Variants in RERE observed in about 807,000 individuals in gnomAD.
RERE encodes the protein arginine-glutamic acid dipeptide repeats.
RERE carries 40 observed loss-of-function variants against 146.1 expected under a neutral mutation model. The ratio of observed to expected loss-of-function variants is 0.27; its 90% CI spans 0.21 to 0.36. The LOEUF (loss-of-function observed/expected upper bound fraction) is 0.36, where lower values mean the gene tolerates loss of function less well. Ranked by LOEUF, RERE falls within the 10% of genes least tolerant of loss-of-function variation. The probability of loss-of-function intolerance (pLI) is 1.00; values close to 1 mark genes in which losing one functional copy is unlikely to be tolerated. For synonymous variants in RERE, 1,003 were observed against 866.0 expected (o/e 1.16, Z -2.78); for missense variants, 1,933 against 2,138.7 (o/e 0.90, Z 1.90).
At chr1:8,759,231 A>G (rs939398998) in intron 1 of RERE, among the ~76,000 whole-genome samples, 21 of 152,368 alleles carry the variant, frequency 1.4e-4, no homozygotes, top group African/African-American at 4.6e-4. Flanking sequence ...ACTGTCAACT[A>G]TTACCTCTTC....
At chr1:8,525,657 C>T in intron 7 of RERE, 1 of 1,260,436 alleles carries the variant, frequency 7.9e-7, no homozygotes, top group South Asian at 1.6e-5. Context: ...CTCTCAGGAA[C>T]ATGCACTATG....
At chr1:8,407,023 A>G (rs1274535564) in intron 12 of RERE, among the ~76,000 whole-genome samples, 1 of 152,224 alleles carries the variant, frequency 6.6e-6, no homozygotes, top group East Asian at 1.9e-4. Context: ...AGAACTGTTA[A>G]ATCAGTGGAA....
chr1:8,576,427 G>A (rs976222736), intron 4 of RERE, among the ~76,000 whole-genome samples: 9 of 152,142 alleles, frequency 5.9e-5, no homozygotes, highest in Non-Finnish European at 1.3e-4. Flanking sequence ...ATAAAAGCAT[G>A]TTAATGCCAG....
chr1:8,455,830 C>T, intron 11 of RERE, among the ~76,000 whole-genome samples: 1 of 152,278 alleles, frequency 6.6e-6, no homozygotes, highest in African/African-American at 2.4e-5. Flanking sequence ...CTTGTCAAAC[C>T]AACCTGGTGC....
intron 1 of RERE, among the ~76,000 whole-genome samples, chr1:8,726,147 C>CTTTTTTTTTTTTTTT (rs70985511): frequency 3.2e-4 from 22 of 69,410 alleles, no homozygotes; most frequent in South Asian, 6.2e-4. Context: ...TTTTTCTTTT[C>CTTTTTTTTTTTTTTT]TTTTTTTTTT....
intron 10 of RERE, among the ~76,000 whole-genome samples, chr1:8,471,661 C>T (rs1233286396): frequency 1.1e-4 from 16 of 152,084 alleles, no homozygotes; most frequent in African/African-American, 2.4e-4. Context: ...TACAGGCATG[C>T]GCCACCATGC....
At chr1:8,672,992 C>G (rs1570592384) in intron 1 of RERE, among the ~76,000 whole-genome samples, 1 of 152,302 alleles carries the variant, frequency 6.6e-6, no homozygotes, top group East Asian at 1.9e-4. Flanking sequence ...TGACTAGAAT[C>G]AGATGGAGGG....
chr1:8,550,703 C>T (rs1307641590), intron 6 of RERE, among the ~76,000 whole-genome samples: 1 of 152,164 alleles, frequency 6.6e-6, no homozygotes, highest in Non-Finnish European at 1.5e-5. Flanking sequence ...CCAGCCACCA[C>T]ACTCGGCTAA....
chr1:8,430,800 T>C (rs1171113699), intron 11 of RERE, among the ~76,000 whole-genome samples: 2 of 152,202 alleles, frequency 1.3e-5, no homozygotes, highest in Non-Finnish European at 2.9e-5. Flanking sequence ...ACCGGGCCCA[T>C]TCTACAGATA....
At chr1:8,786,775 T>C (rs1327226375) in intron 1 of RERE, 7 of 788,378 alleles carry the variant, frequency 8.9e-6, no homozygotes, top group Admixed American at 5.1e-5. Context: ...GTGATAGCAC[T>C]ATGCTTTTTC....
chr1:8,743,633 A>C (rs1465442142), intron 1 of RERE, among the ~76,000 whole-genome samples: 2 of 152,084 alleles, frequency 1.3e-5, no homozygotes, highest in Non-Finnish European at 2.9e-5. Context: ...GTCTCAGTAT[A>C]GACATGCATA....
chr1:8,419,894 A>T (rs1322361893), intron 12 of RERE, among the ~76,000 whole-genome samples: 1 of 152,234 alleles, frequency 6.6e-6, no homozygotes, highest in African/African-American at 2.4e-5. Flanking sequence ...CAGCACCTAC[A>T]CAATTCTCAT....
At chr1:8,619,031 C>G (rs1053003903) in intron 3 of RERE, among the ~76,000 whole-genome samples, 6 of 152,154 alleles carry the variant, frequency 3.9e-5, no homozygotes, top group African/African-American at 1.4e-4. Context: ...CCTCCAACTG[C>G]TCACATTTGA....
intron 11 of RERE, among the ~76,000 whole-genome samples, chr1:8,445,836 C>G (rs973728298): frequency 1.3e-5 from 2 of 151,192 alleles, no homozygotes; most frequent in East Asian, 1.9e-4. Flanking sequence ...CCCCCACCCC[C>G]CAACAGGCCC....
intron 1 of RERE, among the ~76,000 whole-genome samples, chr1:8,714,519 C>G (rs531578858): frequency 6.6e-6 from 1 of 152,294 alleles, no homozygotes; most frequent in African/African-American, 2.4e-5. Context: ...CAGACACACA[C>G]AGCCTCAAAA....
At chr1:8,430,716 G>C (rs1402976596) in intron 11 of RERE, among the ~76,000 whole-genome samples, 1 of 152,242 alleles carries the variant, frequency 6.6e-6, no homozygotes, top group Non-Finnish European at 1.5e-5. Context: ...TCAGGCTTCT[G>C]TGCAGAGTGG....
rs1641282490 is a variant in RERE at position 8,356,115 on chromosome 1, G to A, written c.4471C>T (p.Arg1491Cys). The change falls in exon 21 of 23, where the codon CGC becomes TGC. Residue 1491 changes from arginine (R) to cysteine (C), a missense_variant. Physicochemically the swap from Arg to Cys is radical, Grantham distance 180. Around this residue, in one of 11 missense-constraint regions of RERE, gnomAD observed 133 missense variants for 168.6 expected, o/e 0.79. Transcript: ENST00000400908. The surrounding 1 kb of genome is among the most constrained non-coding windows in gnomAD (Gnocchi z 5.2). ...GQPPHEHEML[R>C]HPVFGTPYPR... ...GAAGTCTTACCGAAAACTGGGTGGC[G>A]AAGCATCTCGTGCTCGTGTGGGGGC... 2.7e-6 allele frequency: 4 copies of A among 1,503,912 alleles called. No homozygotes were observed. Among genetic ancestry groups the A allele is most frequent in the East Asian group, 2.7e-5 (1 of 37,142 alleles). The allele number at this position is 1,503,912 out of a possible 1,614,324, so 93.2% of individuals were successfully genotyped here.
rs34237128 is a variant in RERE, at chr1:8,757,090, C to CAA, written c.-145+60068_-145+60069dup. The stretch of plus-strand genomic sequence containing the variant: ...GGGCAACAAGAGCAAAACTCCATCT[C>CAA]AAAAAAAAAAAAAAAAAAAAAGCAA... On this transcript the variant is annotated intron_variant, in intron 1 of 22. Coordinates refer to ENST00000400908, the MANE Select transcript of RERE (RefSeq NM_001042681.2). Among the ~76,000 whole-genome samples the CAA allele has an allele frequency of 6.4e-3, 380 of 59,254 alleles. 5 individuals are homozygous for CAA. The highest frequency in any genetic ancestry group is 0.023 in the African/African-American group (333 of 14,732). 38.9% of individuals were successfully genotyped at this position (59,254 alleles called of 152,430 possible). A position where few individuals can be genotyped will look rare whatever the true frequency, so the allele number is the denominator to read the frequency against.
chr1:8,623,084 A>C (rs1646935639), intron 3 of RERE, among the ~76,000 whole-genome samples: 1 of 152,206 alleles, frequency 6.6e-6, no homozygotes, highest in South Asian at 2.1e-4. Context: ...AAAATGTTTC[A>C]AAAGATTCCC....
Sources: gnomAD v4.1 joint callset for allele counts (sites outside exome capture counted in the v4.1 genomes callset) on GRCh38, gnomAD v4.1.1 for gene constraint, gnomAD v4.1.1 regional missense constraint, Gnocchi (gnomAD v3.1) non-coding constraint, MANE v1.5 for transcripts, NCBI Gene and HGNC (gene_info 2026-07-23, HGNC 2026-07-21) for gene names.